GPC4: variants seen among roughly 807,000 people sequenced by gnomAD.
The protein encoded by GPC4 is glypican-4.
In GPC4, 10 loss-of-function variants were observed where a neutral mutation model predicts 35.0. The observed-to-expected ratio is 0.29, with a 90% CI of 0.18 to 0.48. GPC4 has a LOEUF of 0.48. GPC4 is among the 20% of genes least tolerant of loss of function. The pLI is 0.99. For synonymous variants in GPC4, 167 were observed against 170.2 expected, an observed-to-expected ratio of 0.98 and a Z score of 0.15; for missense variants, 322 against 451.3, an observed-to-expected ratio of 0.71 and a Z score of 2.60.
chrX:133,372,445 T>A (rs2068616896), intron 1 of GPC4, among the ~76,000 whole-genome samples: 1 of 110,100 alleles, frequency 9.1e-6, no homozygotes, highest in African/African-American at 3.3e-5. Context: ...TCCTTTTTCT[T>A]ATCAATTCCT....
rs764279203 is a variant in GPC4, at chrX:133,384,030, C to T, written c.160+30776G>A. 9.9e-5 allele frequency among the ~76,000 whole-genome samples: 11 copies of T among 111,303 alleles called. No individual in the cohort carries two copies. The South Asian group carries it at 2.3e-3, about 23-fold the overall frequency. ...TCTGTACTATTGTAACAATACAACT[C>T]GAGAATTTTCTTCAGGGAACTGGAA... is the stretch of plus-strand genomic sequence containing the variant. On this transcript the variant is annotated intron_variant, in intron 1 of 8. Transcript: ENST00000370828.
chrX:133,369,993 T>C (rs1001312238), intron 1 of GPC4, among the ~76,000 whole-genome samples: 1 of 112,013 alleles, frequency 8.9e-6, no homozygotes, highest in African/African-American at 3.2e-5. Context: ...GATTACTTCG[T>C]TAAAAATCAA....
chrX:133,318,114 C>T lies in GPC4; in HGVS notation c.711+6031G>A, dbSNP rs1239456559. Among the ~76,000 whole-genome samples, 36 of 111,508 alleles carry T rather than the reference C, an allele frequency of 3.2e-4. No individual in the cohort carries two copies. In the Admixed American group the frequency reaches 3.2e-3, roughly 10 times the overall value. ...TGTAAACTCAATGTATTCAATTTGACACCTCCTGTACTCCTACCATCCTCA... is the reference window on the plus strand; with the variant it reads ...TGTAAACTCAATGTATTCAATTTGATACCTCCTGTACTCCTACCATCCTCA... On this transcript the variant is annotated intron_variant, in intron 3 of 8. Coordinates refer to ENST00000370828, the MANE Select transcript of GPC4 (RefSeq NM_001448.3).
At chrX:133,366,013 A>G (rs1194522091) in intron 1 of GPC4, among the ~76,000 whole-genome samples, 1 of 112,104 alleles carries the variant, frequency 8.9e-6, no homozygotes, top group Non-Finnish European at 1.9e-5. Flanking sequence ...GCTGGACAGA[A>G]AGGATATAAC....
chrX:133,364,998 T>C (rs1292205582), intron 1 of GPC4, among the ~76,000 whole-genome samples: 1 of 111,799 alleles, frequency 8.9e-6, no homozygotes. Context: ...GAGGCAGCAA[T>C]TGGCCTTTCT....
intron 4 of GPC4, among the ~76,000 whole-genome samples, chrX:133,308,683 C>A (rs2068301418): frequency 9.0e-6 from 1 of 111,091 alleles, no homozygotes. Flanking sequence ...AAAACCAGTT[C>A]ATCCTTAGTC....
At chrX:133,402,801 G>A (rs2068771660) in intron 1 of GPC4, among the ~76,000 whole-genome samples, 2 of 110,054 alleles carry the variant, frequency 1.8e-5, no homozygotes. Flanking sequence ...TGCACAGGAG[G>A]CTGGGGCAGG....
intron 1 of GPC4, among the ~76,000 whole-genome samples, chrX:133,343,979 T>C (rs961679681): frequency 1.8e-5 from 2 of 109,064 alleles, no homozygotes; most frequent in East Asian, 5.7e-4. Context: ...TGCTTTCTCA[T>C]TTTATCTCAT....
intron 1 of GPC4, among the ~76,000 whole-genome samples, chrX:133,393,940 T>C (rs767815598): frequency 9.0e-6 from 1 of 111,614 alleles, no homozygotes; most frequent in South Asian, 3.8e-4. Context: ...AAACAGGAGA[T>C]ACACCCAGTA....
chrX:133,316,620 T>G (rs191718385), intron 3 of GPC4, among the ~76,000 whole-genome samples: 66 of 112,269 alleles, frequency 5.9e-4, no homozygotes, highest in Admixed American at 1.0e-3. Context: ...AGGATGCAAC[T>G]GTTCTACATG....
chrX:133,353,627 C>A (rs1361243684), intron 1 of GPC4, among the ~76,000 whole-genome samples: 1 of 111,947 alleles, frequency 8.9e-6, no homozygotes, highest in Non-Finnish European at 1.9e-5. Context: ...AGAATGTGGC[C>A]TGTCAGCTAC....
Position 133,331,871 on chromosome X carries a change from C to T in GPC4, c.319+7312G>A, listed in dbSNP as rs1325711813. 2.7e-5 allele frequency among the ~76,000 whole-genome samples: 3 copies of T among 111,080 alleles called. No homozygotes were observed. The Admixed American group carries it at 2.9e-4, about 11-fold the overall frequency. On this transcript the variant is annotated intron_variant, in intron 2 of 8. Coordinates refer to ENST00000370828, the MANE Select transcript of GPC4 (RefSeq NM_001448.3). ...AAAGATTAGGTAAATACAAGAGTGA[C>T]GGTTGGGTGCTGGGGATCAAGGGTA... is the stretch of plus-strand genomic sequence containing the variant.
At chrX:133,356,541 G>A (rs149441787) in intron 1 of GPC4, among the ~76,000 whole-genome samples, 203 of 111,371 alleles carry the variant, frequency 1.8e-3, no homozygotes, top group African/African-American at 6.4e-3. Context: ...CACCACACCT[G>A]GCAGTGAATT....
intron 3 of GPC4, among the ~76,000 whole-genome samples, chrX:133,312,396 C>T (rs756757366): frequency 1.8e-5 from 2 of 110,389 alleles, no homozygotes; most frequent in African/African-American, 6.6e-5. Context: ...TTTGGGAGGC[C>T]GAAGTGGGCG....
intron 1 of GPC4, among the ~76,000 whole-genome samples, chrX:133,388,832 C>CT (rs112574503): frequency 0.019 from 2,144 of 110,215 alleles, 57 homozygotes; most frequent in African/African-American, 0.067. Flanking sequence ...TGGACTCTCA[C>CT]TATGTTGCTC....
At position 133,414,994 on chromosome X, in the gene GPC4, C is replaced by G. The variant is rs750475808; in HGVS notation, c.-29G>C. ...GCGGGCCGGGGCGGACGCGTTCCCACCTTTGGGACCGGACGGGAAGCGGCG... is the reference window on the plus strand; with the variant it reads ...GCGGGCCGGGGCGGACGCGTTCCCAGCTTTGGGACCGGACGGGAAGCGGCG... On this transcript the variant is annotated 5_prime_UTR_variant, in exon 1 of 9. Transcript: ENST00000370828. 8.4e-7 allele frequency: 1 copy of G among 1,192,754 alleles called. No homozygotes were observed. Among genetic ancestry groups the G allele is most frequent in the East Asian group, 3.0e-5 (1 of 33,354 alleles).
At chrX:133,387,031 T>C (rs745647912) in intron 1 of GPC4, among the ~76,000 whole-genome samples, 2 of 111,354 alleles carry the variant, frequency 1.8e-5, no homozygotes, top group East Asian at 5.7e-4. Context: ...CTTCACTACA[T>C]AAAAAAAGGA....
chrX:133,325,009 T>C (rs368914609), intron 2 of GPC4, among the ~76,000 whole-genome samples: 79 of 111,970 alleles, frequency 7.1e-4, no homozygotes, highest in African/African-American at 2.4e-3. Flanking sequence ...GTTATTTTAC[T>C]TGGGCCTGAA....
intron 1 of GPC4, among the ~76,000 whole-genome samples, chrX:133,361,897 T>C (rs754371467): frequency 6.1e-4 from 68 of 110,574 alleles, no homozygotes; most frequent in African/African-American, 2.0e-3. Flanking sequence ...TTAAATACAA[T>C]AATAGAAGCA....
Sources: allele counts gnomAD v4.1 joint callset (sites outside exome capture counted in the v4.1 genomes callset), GRCh38; gene constraint gnomAD v4.1.1; transcripts MANE v1.5; gene names NCBI Gene and HGNC (gene_info 2026-07-23, HGNC 2026-07-21).